The following FAM53B variants were observed in gnomAD, a reference collection of about 807,000 sequenced individuals.
FAM53B encodes family with sequence similarity 53 member B.
Under a neutral mutation model 32.7 loss-of-function variants are expected in FAM53B, and 12 were observed. The observed-to-expected ratio is 0.37, with a 90% CI of 0.24 to 0.59. The LOEUF (loss-of-function observed/expected upper bound fraction) is 0.59, where lower values mean the gene tolerates loss of function less well. Ranked by LOEUF, FAM53B falls within the 20% of genes least tolerant of loss-of-function variation. The pLI is 0.72. For synonymous variants in FAM53B, 234 were observed against 228.7 expected (o/e 1.02, Z -0.21); for missense variants, 477 against 577.7 (o/e 0.83, Z 1.79).
intron 4 of FAM53B, among the ~76,000 whole-genome samples, chr10:124,672,264 C>T (rs547200550): frequency 2.6e-5 from 4 of 152,266 alleles, no homozygotes; most frequent in African/African-American, 7.2e-5. Context: ...CACCCATCTC[C>T]GTGATGCACC....
At chr10:124,657,056 ATATG>A (rs1589740180) in intron 4 of FAM53B, among the ~76,000 whole-genome samples, 7 of 78,608 alleles carry the variant, frequency 8.9e-5, no homozygotes, top group South Asian at 5.4e-4. Context: ...ATATATGTAT[ATATG>A]TATATATATA....
At chr10:124,633,044 C>T (rs1367454946) in intron 4 of FAM53B, among the ~76,000 whole-genome samples, 5 of 151,948 alleles carry the variant, frequency 3.3e-5, no homozygotes, top group Admixed American at 6.6e-5. Flanking sequence ...GGGTGCGATC[C>T]CCCCTTCCCA....
At chr10:124,709,482 C>CATGGAA (rs1949985119) in intron 1 of FAM53B, among the ~76,000 whole-genome samples, 1 of 152,202 alleles carries the variant, frequency 6.6e-6, no homozygotes, top group South Asian at 2.1e-4. Flanking sequence ...AAGGAGAAGG[C>CATGGAA]AGGTGTAGCA....
chr10:124,700,974 G>T (rs1006391167), intron 2 of FAM53B, among the ~76,000 whole-genome samples: 2 of 152,200 alleles, frequency 1.3e-5, no homozygotes, highest in African/African-American at 4.8e-5. Flanking sequence ...GAGAAGCTGA[G>T]GAGGGAACAG....
chr10:124,722,856 T>C (rs1344997551), intron 1 of FAM53B, among the ~76,000 whole-genome samples: 1 of 152,202 alleles, frequency 6.6e-6, no homozygotes, highest in East Asian at 1.9e-4. Context: ...ACTGCTGAGT[T>C]TGTACACATG....
intron 4 of FAM53B, among the ~76,000 whole-genome samples, chr10:124,639,290 A>C (rs975018019): frequency 9.2e-5 from 14 of 152,134 alleles, no homozygotes; most frequent in African/African-American, 3.4e-4. Flanking sequence ...GCACTCAGGA[A>C]ATGTTTCCTT....
At chr10:124,720,899 G>A (rs540011976) in intron 1 of FAM53B, among the ~76,000 whole-genome samples, 20 of 152,280 alleles carry the variant, frequency 1.3e-4, no homozygotes, top group Admixed American at 1.1e-3. Context: ...AACTGGGACC[G>A]CTAAAGTTCA....
intron 1 of FAM53B, among the ~76,000 whole-genome samples, chr10:124,735,916 G>C (rs779922595): frequency 2.0e-5 from 3 of 152,232 alleles, no homozygotes; most frequent in Non-Finnish European, 2.9e-5. Flanking sequence ...TGATTCCAAA[G>C]CTGAATGCTA....
chr10:124,631,548 C>G (rs1442915281), intron 4 of FAM53B, among the ~76,000 whole-genome samples: 1 of 152,194 alleles, frequency 6.6e-6, no homozygotes, highest in Non-Finnish European at 1.5e-5. Flanking sequence ...ACTCCGTTGG[C>G]CTGGGGAGTT....
At chr10:124,706,090 TAAG>T (rs1393585390) in intron 2 of FAM53B, among the ~76,000 whole-genome samples, 1 of 152,234 alleles carries the variant, frequency 6.6e-6, no homozygotes, top group Non-Finnish European at 1.5e-5. Flanking sequence ...GCTCGTAGTC[TAAG>T]AAGGCCGAGT....
intron 1 of FAM53B, among the ~76,000 whole-genome samples, chr10:124,743,159 G>A (rs1316078019): frequency 6.7e-6 from 1 of 149,640 alleles, no homozygotes; most frequent in Non-Finnish European, 1.5e-5. Context: ...AGGTGGGGGG[G>A]CGGGGGGAGC....
chr10:124,634,431 G>A lies in FAM53B; in HGVS notation c.907-10827C>T, dbSNP rs142450182. Among the ~76,000 whole-genome samples, 445 of 152,326 alleles carry A rather than the reference G, an allele frequency of 2.9e-3. 1 individual carries two copies. The highest frequency in any genetic ancestry group is 4.6e-3 in the Non-Finnish European group (316 of 68,028). On this transcript the variant is annotated intron_variant, in intron 4 of 4. Transcript: ENST00000337318. ...GTAGTTCCCATAATCCCCACGTTTC[G>A]TGGGAGGGACGCAGTGGAAGGTAAC...
At chr10:124,713,395 G>T (rs4962400) in intron 1 of FAM53B, 140,928 of 152,280 alleles carry the variant, frequency 0.93, 66,155 homozygotes, top group Non-Finnish European at 1. Context: ...CTCACACAAG[G>T]CCTTGCTAAC....
chr10:124,695,952 T>C (rs1193404409), intron 3 of FAM53B, among the ~76,000 whole-genome samples: 1 of 152,190 alleles, frequency 6.6e-6, no homozygotes, highest in African/African-American at 2.4e-5. Context: ...AAATTCTCAA[T>C]GTTGGAGTTG....
chr10:124,667,763 A>G (rs191066949), intron 4 of FAM53B, among the ~76,000 whole-genome samples: 61 of 152,356 alleles, frequency 4.0e-4, no homozygotes, highest in Non-Finnish European at 6.0e-4. Flanking sequence ...GGAAGATTTC[A>G]TAAGAAGCAG....
intron 2 of FAM53B, among the ~76,000 whole-genome samples, chr10:124,696,941 T>C (rs1949876997): frequency 6.6e-6 from 1 of 152,174 alleles, no homozygotes; most frequent in Admixed American, 6.5e-5. Flanking sequence ...CTGAATGCTA[T>C]GGCCACCAGG....
rs1949779658 is a variant in FAM53B at position 124,682,435 on chromosome 10, C to T, written c.134-56G>A. 6.9e-7 allele frequency: 1 copy of T among 1,455,512 alleles called. No homozygotes were observed. The highest frequency in any genetic ancestry group is 9.3e-7 in the Non-Finnish European group (1 of 1,075,478). The allele number at this position is 1,455,512 out of a possible 1,614,324, so 90.2% of individuals were successfully genotyped here. On this transcript the variant is annotated intron_variant, in intron 3 of 4. Coordinates refer to ENST00000337318, the MANE Select transcript of FAM53B (RefSeq NM_014661.4). This position sits in a 1 kb window ranked among gnomAD's most constrained non-coding sequence, Gnocchi z 5.2. ...ATTTGAGAAGACCTTCACTCCAGCC[C>T]TTTATTATCTCCACACCAACAGCCC...
At chr10:124,657,118 GTATA>G (rs113363316) in intron 4 of FAM53B, among the ~76,000 whole-genome samples, 23 of 128,934 alleles carry the variant, frequency 1.8e-4, no homozygotes, top group African/African-American at 5.6e-4. Context: ...ATGTGTGTGT[GTATA>G]TATATGTGTG....
rs183920146 is a variant in FAM53B at position 124,670,812 on chromosome 10, G to A, written c.906+10795C>T. On this transcript the variant is annotated intron_variant, in intron 4 of 4. Coordinates refer to ENST00000337318, the MANE Select transcript of FAM53B (RefSeq NM_014661.4). ...CATCCTGCCTGGTGATCCAAACCACGCTGGCCTGCTGGATTCTCATTAGCA... is the reference window on the plus strand; with the variant it reads ...CATCCTGCCTGGTGATCCAAACCACACTGGCCTGCTGGATTCTCATTAGCA... 5.9e-4 allele frequency among the ~76,000 whole-genome samples: 90 copies of A among 152,206 alleles called. 2 individuals carry two copies. In the East Asian group the frequency reaches 0.017, roughly 29 times the overall value.
Sources: allele counts gnomAD v4.1 joint callset (sites outside exome capture counted in the v4.1 genomes callset), GRCh38; gene constraint gnomAD v4.1.1; non-coding constraint Gnocchi (gnomAD v3.1); transcripts MANE v1.5; gene names NCBI Gene and HGNC (gene_info 2026-07-23, HGNC 2026-07-21).